WDFY3: variants seen among roughly 807,000 people sequenced by gnomAD.
WDFY3 encodes WD repeat and FYVE domain-containing protein 3.
In WDFY3, 66 loss-of-function variants were observed where a neutral mutation model predicts 409.6. The observed-to-expected ratio is 0.16, with a 90% CI of 0.13 to 0.20. The LOEUF (loss-of-function observed/expected upper bound fraction) is 0.20. Ranked by LOEUF, WDFY3 falls within the 10% of genes least tolerant of loss-of-function variation. The pLI, the probability that WDFY3 is intolerant of heterozygous loss-of-function variation, is 1.00. For missense variants in WDFY3, 3,031 were observed against 4,298.1 expected (o/e 0.71, Z 8.24); for synonymous variants, 1,521 against 1,537.1 (o/e 0.99, Z 0.25).
intron 44 of WDFY3, among the ~76,000 whole-genome samples, chr4:84,730,443 T>C (rs2149145916): frequency 1.3e-5 from 2 of 152,310 alleles, no homozygotes; most frequent in East Asian, 3.9e-4. Flanking sequence ...ATGGATAATG[T>C]CATAAAATGG....
Position 84,850,447 on chromosome 4 carries a change from G to A in WDFY3, c.181-422C>T, listed in dbSNP as rs147462900. ...TTCTCCTGCCTCAGCCTGCCAAGTA[G>A]CTGGGACTACAGGTGCATGCCATCA... is the stretch of plus-strand genomic sequence containing the variant. On this transcript the variant is annotated intron_variant, in intron 4 of 67. Transcript: ENST00000295888. 6.2e-3 allele frequency among the ~76,000 whole-genome samples: 936 copies of A among 152,176 alleles called. 9 individuals carry two copies. Among genetic ancestry groups the A allele is most frequent in the Middle Eastern group, 0.061 (18 of 294 alleles).
At chr4:84,725,392 C>T (rs191654312) in intron 45 of WDFY3, among the ~76,000 whole-genome samples, 59 of 152,288 alleles carry the variant, frequency 3.9e-4, no homozygotes, top group African/African-American at 1.4e-3. Flanking sequence ...TGTTTTAGAA[C>T]ATGATACATG....
chr4:84,921,720 C>A (rs1294508968), intron 2 of WDFY3, among the ~76,000 whole-genome samples: 5 of 127,444 alleles, frequency 3.9e-5, no homozygotes, highest in Admixed American at 2.0e-4. Context: ...TGCTGTGACA[C>A]AATCCCAGCT....
chr4:84,674,792 C>A (rs1725979995), intron 67 of WDFY3, among the ~76,000 whole-genome samples: 1 of 149,872 alleles, frequency 6.7e-6, no homozygotes, highest in Non-Finnish European at 1.5e-5. Context: ...CGCTTGAACC[C>A]AGGAGGCGGA....
intron 2 of WDFY3, among the ~76,000 whole-genome samples, chr4:84,907,927 A>C (rs910093621): frequency 6.6e-6 from 1 of 152,150 alleles, no homozygotes. Context: ...AAAAGAAGGA[A>C]GAGGAAGAGG....
intron 1 of WDFY3, among the ~76,000 whole-genome samples, chr4:84,935,130 C>T (rs1771250857): frequency 6.6e-6 from 1 of 152,094 alleles, no homozygotes; most frequent in Non-Finnish European, 1.5e-5. Flanking sequence ...TTGTCAATAG[C>T]TTATTTTCCC....
chr4:84,737,448 T>C (rs1239506077), intron 40 of WDFY3, 82 bp from the exon 41 acceptor site: 1 of 1,401,056 alleles, frequency 7.1e-7, no homozygotes, highest in Non-Finnish European at 9.4e-7. Context: ...TTTTTCTTCA[T>C]GTTTACATGT....
Position 84,679,074 on chromosome 4 carries a change from G to T in WDFY3, c.9992C>A (p.Ser3331Tyr), listed in dbSNP as rs1353649055. The part of the protein sequence containing the change: ...AWCTDSGSDD[S>Y]RRWSDQLSLD... ...ACTGAGCTGGTCGGACCAGCGTCTG[G>T]AGTCGTCAGAGCCACTGTCAGTACA... is the stretch of plus-strand genomic sequence containing the variant. The change falls in exon 65 of 68, where the codon TCC becomes TAC. Residue 3331 changes from serine to tyrosine, a missense_variant. By Grantham distance (144) the Ser-to-Tyr change is moderately radical (BLOSUM62 -2). Transcript: ENST00000295888. 6.2e-7 allele frequency: 1 copy of T among 1,614,124 alleles called. No individual in the cohort carries two copies. Among genetic ancestry groups the T allele is most frequent in the Non-Finnish European group, 8.5e-7 (1 of 1,180,054 alleles).
chr4:84,685,185 A>G (rs771241795), intron 62 of WDFY3, among the ~76,000 whole-genome samples: 4 of 152,306 alleles, frequency 2.6e-5, no homozygotes, highest in East Asian at 1.9e-4. Context: ...AAGAACCTAC[A>G]TAAGTCTTAA....
intron 2 of WDFY3, among the ~76,000 whole-genome samples, chr4:84,902,092 C>A (rs754259475): frequency 6.6e-6 from 1 of 152,190 alleles, no homozygotes; most frequent in Non-Finnish European, 1.5e-5. Context: ...GCTCTCAAAG[C>A]TCTTTCCCAC....
At chr4:84,783,910 G>C (rs907252896) in intron 24 of WDFY3, among the ~76,000 whole-genome samples, 1 of 149,066 alleles carries the variant, frequency 6.7e-6, no homozygotes, top group South Asian at 2.1e-4. Flanking sequence ...AAAGCTCTGC[G>C]TAAGAGTTGT....
At chr4:84,775,824 T>C (rs2149451517) in intron 27 of WDFY3, among the ~76,000 whole-genome samples, 1 of 151,948 alleles carries the variant, frequency 6.6e-6, no homozygotes, top group South Asian at 2.1e-4. Context: ...ATCTTTAATG[T>C]GTGAAAACAA....
At chr4:84,708,359 C>T (rs1029288055) in intron 53 of WDFY3, among the ~76,000 whole-genome samples, 1 of 152,166 alleles carries the variant, frequency 6.6e-6, no homozygotes, top group Non-Finnish European at 1.5e-5. Flanking sequence ...AATTAATCCG[C>T]ACTTAAAGAA....
intron 45 of WDFY3, among the ~76,000 whole-genome samples, chr4:84,726,276 T>C (rs974474287): frequency 6.6e-6 from 1 of 152,176 alleles, no homozygotes; most frequent in Non-Finnish European, 1.5e-5. Flanking sequence ...TATTTTGATG[T>C]ACATTTCTGT....
chr4:84,836,808 C>G, intron 7 of WDFY3, 121 bp downstream of exon 7: 1 of 855,204 alleles, frequency 1.2e-6, no homozygotes, highest in Non-Finnish European at 1.6e-6. Flanking sequence ...GAGATAAAGT[C>G]ATACTATCAT....
Position 84,718,366 on chromosome 4 carries a change from C to T in WDFY3, c.7754+56G>A, listed in dbSNP as rs1384673467. 16 of 1,518,498 alleles carry T rather than the reference C, an allele frequency of 1.1e-5. No individual in the cohort carries two copies. In the African/African-American group the frequency reaches 1.8e-4, roughly 17 times the overall value. The allele number at this position is 1,518,498 out of a possible 1,614,324, so 94.1% of individuals were successfully genotyped here. On this transcript the variant is annotated intron_variant, in intron 48 of 67. Coordinates refer to ENST00000295888, the MANE Select transcript of WDFY3 (RefSeq NM_014991.6). Reference sequence around the variant, plus strand: ...TGATTAAAAAAGAAAACTGCAAATACATTTTCTGTCTTCTAAAGATAGCCA... The same window carrying T: ...TGATTAAAAAAGAAAACTGCAAATATATTTTCTGTCTTCTAAAGATAGCCA...
intron 4 of WDFY3, among the ~76,000 whole-genome samples, chr4:84,853,946 AC>A (rs1759397456): frequency 6.6e-6 from 1 of 152,248 alleles, no homozygotes; most frequent in African/African-American, 2.4e-5. Flanking sequence ...GGTAAATAAA[AC>A]AAATATGATT....
At chr4:84,933,751 C>A (rs1001406454) in intron 1 of WDFY3, among the ~76,000 whole-genome samples, 2 of 152,058 alleles carry the variant, frequency 1.3e-5, no homozygotes, top group Non-Finnish European at 2.9e-5. Flanking sequence ...ATTTTTAGCT[C>A]CCAGAAATGA....
intron 35 of WDFY3, 58 bp from the exon 36 acceptor site, chr4:84,751,774 CTG>C: frequency 1.3e-6 from 2 of 1,572,036 alleles, no homozygotes; most frequent in Admixed American, 3.4e-5. Flanking sequence ...ATTTTTACTT[CTG>C]TGTTTCCTAA....
Sources: gnomAD v4.1 joint callset for allele counts (sites outside exome capture counted in the v4.1 genomes callset) on GRCh38, gnomAD v4.1.1 for gene constraint, MANE v1.5 for transcripts, NCBI Gene and HGNC (gene_info 2026-07-23, HGNC 2026-07-21) for gene names.